Variants in STT3A observed in about 807,000 individuals in gnomAD.
The protein encoded by STT3A is STT3 oligosaccharyltransferase complex catalytic subunit A, also known as dolichyl-diphosphooligosaccharide--protein glycosyltransferase subunit STT3A.
Under a neutral mutation model 89.2 loss-of-function variants are expected in STT3A, and 34 were observed. The ratio of observed to expected loss-of-function variants is 0.38; its 90% CI spans 0.29 to 0.51. The LOEUF (loss-of-function observed/expected upper bound fraction) is 0.51. STT3A is among the 20% of genes least tolerant of loss of function. The pLI is 0.89. For missense variants in STT3A, 555 were observed against 889.5 expected (o/e 0.62, Z 4.78); for synonymous variants, 282 against 310.3 (o/e 0.91, Z 0.96).
In STT3A at chr11:125,604,264, G is replaced by T; in HGVS notation, c.508+17G>T. 6.2e-7 allele frequency: 1 copy of T among 1,612,188 alleles called. No homozygotes were observed. Among genetic ancestry groups the T allele is most frequent in the Non-Finnish European group, 8.5e-7 (1 of 1,178,478 alleles). On this transcript the variant is annotated intron_variant, in intron 6 of 17. Coordinates refer to ENST00000392708, the MANE Select transcript of STT3A (RefSeq NM_152713.5). ...ATAATGAAGGTAAGACTTTTAAAATGCTGAAGAAGATCATCTCACCTCATT... is the reference window on the plus strand; with the variant it reads ...ATAATGAAGGTAAGACTTTTAAAATTCTGAAGAAGATCATCTCACCTCATT...
intron 1 of STT3A, among the ~76,000 whole-genome samples, chr11:125,594,454 C>T (rs1386659885): frequency 6.6e-6 from 1 of 152,004 alleles, no homozygotes; most frequent in Non-Finnish European, 1.5e-5. Context: ...GTGGCGCACA[C>T]CTGTAGTCCC....
Position 125,620,869 on chromosome 11 carries a change from G to GTTTTTTT in STT3A, c.*59_*60insTTTTTTT. 8.3e-6 allele frequency: 7 copies of GTTTTTTT among 841,898 alleles called. No homozygotes were observed. The highest frequency in any genetic ancestry group is 3.3e-5 in the Admixed American group (1 of 29,974). The allele number at this position is 841,898 out of a possible 1,614,324, so 52.2% of individuals were successfully genotyped here. On this transcript the variant is annotated 3_prime_UTR_variant, in exon 18 of 18. Transcript: ENST00000392708. ...AGCACATCACATTTAGGACGTTGAAGATTTTTTTTTTTTTTTTTTTTTAAT... is the reference window on the plus strand; with the variant it reads ...AGCACATCACATTTAGGACGTTGAAGTTTTTTTATTTTTTTTTTTTTTTTTTTTTAAT...
chr11:125,606,199 T>C lies in STT3A; in HGVS notation c.616-102T>C. 2.7e-6 allele frequency: 3 copies of C among 1,107,816 alleles called. No homozygotes were observed. The Admixed American group carries it at 7.2e-5, about 27-fold the overall frequency. 68.6% of individuals were successfully genotyped at this position (1,107,816 alleles called of 1,614,324 possible). ...TTGGCATAAATAAAGTTATAGTTACTATAAGTGTTCTTTAAAGAGTCACAG... is the reference window on the plus strand; with the variant it reads ...TTGGCATAAATAAAGTTATAGTTACCATAAGTGTTCTTTAAAGAGTCACAG... On this transcript the variant is annotated intron_variant, in intron 7 of 17. Transcript: ENST00000392708.
rs1433023793 is a variant in STT3A at position 125,622,380 on chromosome 11, G to A, written c.*1570G>A. The A allele has an allele frequency of 6.6e-6, 1 of 152,222 alleles. No individual in the cohort carries two copies. The highest frequency in any genetic ancestry group is 1.9e-4 in the East Asian group (1 of 5,206). The allele number at this position is 152,222 out of a possible 1,614,324, so 9.4% of individuals were successfully genotyped here. A position where few individuals can be genotyped will look rare whatever the true frequency, so the allele number is the denominator to read the frequency against. On this transcript the variant is annotated 3_prime_UTR_variant, in exon 18 of 18. Transcript: ENST00000392708. Reference sequence around the variant, plus strand: ...TTTCTATAAAGAATCTTTAGTGGAAGAGGTTATTCTGAATTATTTATCAAT... The same window carrying A: ...TTTCTATAAAGAATCTTTAGTGGAAAAGGTTATTCTGAATTATTTATCAAT...
chr11:125,598,375 C>G (rs886938725), intron 3 of STT3A, among the ~76,000 whole-genome samples: 1 of 152,076 alleles, frequency 6.6e-6, no homozygotes, highest in African/African-American at 2.4e-5. Context: ...AGGCTTATAA[C>G]AAATTTGGAG....
At chr11:125,594,400 T>A (rs1939420193) in intron 1 of STT3A, among the ~76,000 whole-genome samples, 1 of 151,938 alleles carries the variant, frequency 6.6e-6, no homozygotes, top group South Asian at 2.1e-4. Context: ...GCCAACATGG[T>A]GAAACCCCGT....
intron 9 of STT3A, among the ~76,000 whole-genome samples, chr11:125,609,084 A>G (rs574959145): frequency 4.6e-5 from 7 of 152,294 alleles, no homozygotes; most frequent in Admixed American, 6.5e-5. Flanking sequence ...AAGTCTATCT[A>G]TTGACTAATT....
rs1275740677 is a variant in STT3A at position 125,622,199 on chromosome 11, A to G, written c.*1389A>G. On this transcript the variant is annotated 3_prime_UTR_variant, in exon 18 of 18. Coordinates refer to ENST00000392708, the MANE Select transcript of STT3A (RefSeq NM_152713.5). ...GAACAGGAGGAATTGCATAACTTTT[A>G]GATTAGTCATAGTGGTGCTCCTAAG... 6.6e-6 allele frequency: 1 copy of G among 152,244 alleles called. No homozygotes were observed. The highest frequency in any genetic ancestry group is 1.5e-5 in the Non-Finnish European group (1 of 68,042). The allele number at this position is 152,244 out of a possible 1,614,324, so 9.4% of individuals were successfully genotyped here. A position where few individuals can be genotyped will look rare whatever the true frequency, so the allele number is the denominator to read the frequency against.
chr11:125,609,887 GT>G (rs1393466464), intron 10 of STT3A: 1 of 323,588 alleles, frequency 3.1e-6, no homozygotes, highest in Admixed American at 4.7e-5. Flanking sequence ...GAGTACTTCT[GT>G]CGTACTCCTT....
chr11:125,613,255 C>T lies in STT3A; in HGVS notation c.1554+78C>T, dbSNP rs1940080359. 13 of 1,497,696 alleles carry T rather than the reference C, an allele frequency of 8.7e-6. No individual in the cohort carries two copies. The highest frequency in any genetic ancestry group is 1.2e-5 in the Non-Finnish European group (13 of 1,094,960). The allele number at this position is 1,497,696 out of a possible 1,614,324, so 92.8% of individuals were successfully genotyped here. A position where few individuals can be genotyped will look rare whatever the true frequency, so the allele number is the denominator to read the frequency against. On this transcript the variant is annotated intron_variant, in intron 13 of 17. Transcript: ENST00000392708. This position sits in a 1 kb window ranked among gnomAD's most constrained non-coding sequence, Gnocchi z 4.2. ...TTTGATGTTACAGTGAATCATACAGCTTTTAGATGGGTGGAAAGCTGGGTG... is the reference window on the plus strand; with the variant it reads ...TTTGATGTTACAGTGAATCATACAGTTTTTAGATGGGTGGAAAGCTGGGTG...
In STT3A at chr11:125,614,030, T is replaced by C; in HGVS notation, c.1555-57T>C. The C allele has an allele frequency of 6.6e-7, 1 of 1,513,512 alleles. No homozygotes were observed. The highest frequency in any genetic ancestry group is 9.2e-7 in the Non-Finnish European group (1 of 1,091,912). 93.8% of individuals were successfully genotyped at this position (1,513,512 alleles called of 1,614,324 possible). ...GACCAAAGATGCCTTCTCTGTTGCATTTGATTTTTAGAGACAGTGAGAAGC... is the reference window on the plus strand; with the variant it reads ...GACCAAAGATGCCTTCTCTGTTGCACTTGATTTTTAGAGACAGTGAGAAGC... On this transcript the variant is annotated intron_variant, in intron 13 of 17. Coordinates refer to ENST00000392708, the MANE Select transcript of STT3A (RefSeq NM_152713.5). This position sits in a 1 kb window ranked among gnomAD's most constrained non-coding sequence, Gnocchi z 4.9.
At chr11:125,599,777 C>A (rs1939616627) in intron 3 of STT3A, among the ~76,000 whole-genome samples, 1 of 149,964 alleles carries the variant, frequency 6.7e-6, no homozygotes. Flanking sequence ...GTTGCCCAGG[C>A]TGGAGTGCAA....
At chr11:125,598,670 T>C (rs1221016030) in intron 3 of STT3A, among the ~76,000 whole-genome samples, 1 of 152,196 alleles carries the variant, frequency 6.6e-6, no homozygotes, top group African/African-American at 2.4e-5. Flanking sequence ...AGTGGAGTGA[T>C]CACGGCTTAC....
intron 16 of STT3A, among the ~76,000 whole-genome samples, chr11:125,619,082 T>A (rs987325745): frequency 1.4e-5 from 2 of 146,648 alleles, no homozygotes; most frequent in East Asian, 2.1e-4. Flanking sequence ...TGAAGTCTTG[T>A]TCTGTTACCC....
chr11:125,602,636 T>C (rs1374605218), intron 4 of STT3A, 167 bp from the exon 5 acceptor site: 3 of 1,095,538 alleles, frequency 2.7e-6, no homozygotes, highest in Non-Finnish European at 2.6e-6. Context: ...GACTTCTGAT[T>C]GAATCCTTAG....
chr11:125,605,562 G>A, intron 6 of STT3A, 67 bp from the exon 7 acceptor site: 3 of 1,189,164 alleles, frequency 2.5e-6, no homozygotes, highest in Non-Finnish European at 2.5e-6. Flanking sequence ...GTCTGTTCCA[G>A]AACAGTATTC....
At chr11:125,601,556 G>A (rs536065065) in intron 3 of STT3A, among the ~76,000 whole-genome samples, 4 of 152,150 alleles carry the variant, frequency 2.6e-5, no homozygotes, top group African/African-American at 4.8e-5. Flanking sequence ...TCCGTAGGCA[G>A]AGGTTGCAGT....
rs1360769851 is a variant in STT3A at position 125,614,080 on chromosome 11, C to T, written c.1555-7C>T. 25 of 1,612,440 alleles carry T rather than the reference C, an allele frequency of 1.6e-5. No homozygotes were observed. The highest frequency in any genetic ancestry group is 2.1e-5 in the Non-Finnish European group (25 of 1,178,654). On this transcript the variant is annotated splice_region_variant and splice_polypyrimidine_tract_variant and intron_variant, in intron 13 of 17. Coordinates refer to ENST00000392708, the MANE Select transcript of STT3A (RefSeq NM_152713.5). This position sits in a 1 kb window ranked among gnomAD's most constrained non-coding sequence, Gnocchi z 4.9. Reference sequence around the variant, plus strand: ...CTTGTTATTTCCATTTCCCATTCTACTTTCAGGATGCGAAGGTCATGTCCT... The same window carrying T: ...CTTGTTATTTCCATTTCCCATTCTATTTTCAGGATGCGAAGGTCATGTCCT...
intron 15 of STT3A, among the ~76,000 whole-genome samples, chr11:125,616,721 A>G (rs575776622): frequency 2.0e-5 from 3 of 152,300 alleles, no homozygotes; most frequent in Admixed American, 2.0e-4. Context: ...TTTGTCACCC[A>G]GGCTGGAGTT....
Sources: gnomAD v4.1 joint callset for allele counts (sites outside exome capture counted in the v4.1 genomes callset) on GRCh38, gnomAD v4.1.1 for gene constraint, Gnocchi (gnomAD v3.1) non-coding constraint, MANE v1.5 for transcripts, NCBI Gene and HGNC (gene_info 2026-07-23, HGNC 2026-07-21) for gene names.